Variants in GPC5 observed in about 807,000 individuals in gnomAD.
GPC5 encodes the protein glypican 5.
A neutral mutation model predicts 53.9 loss-of-function variants in GPC5; 47 were observed. That is an observed-to-expected ratio of 0.87 (90% CI 0.69 to 1.11). The LOEUF is 1.11. Among genes scored for constraint, GPC5 ranks in the 50% most tolerant of loss-of-function variants. The pLI is 0.00. For synonymous variants in GPC5, 286 were observed against 263.3 expected, an observed-to-expected ratio of 1.09 and a Z score of -0.84; for missense variants, 748 against 713.1, an observed-to-expected ratio of 1.05 and a Z score of -0.56.
intron 7 of GPC5, among the ~76,000 whole-genome samples, chr13:92,718,466 C>T (rs778454770): frequency 6.6e-6 from 1 of 152,048 alleles, no homozygotes; most frequent in Non-Finnish European, 1.5e-5. Flanking sequence ...ACAAACTTCA[C>T]GTTTTCACCC....
At chr13:92,180,168 G>T (rs1036170105) in intron 7 of GPC5, among the ~76,000 whole-genome samples, 3 of 152,164 alleles carry the variant, frequency 2.0e-5, no homozygotes, top group African/African-American at 4.8e-5. Context: ...CATGAAAACT[G>T]CAGGTTTGGT....
At chr13:92,781,025 G>A (rs1013299001) in intron 7 of GPC5, among the ~76,000 whole-genome samples, 3 of 152,010 alleles carry the variant, frequency 2.0e-5, no homozygotes, top group African/African-American at 7.2e-5. Context: ...ATACATGTAC[G>A]TGCACACGCA....
chr13:91,952,583 A>C (rs972307382), intron 6 of GPC5, among the ~76,000 whole-genome samples: 3 of 152,160 alleles, frequency 2.0e-5, no homozygotes, highest in South Asian at 4.1e-4. Flanking sequence ...TACCAAAAAG[A>C]ATCTCTGGGA....
intron 2 of GPC5, among the ~76,000 whole-genome samples, chr13:91,609,847 TCTC>T (rs2033493369): frequency 2.0e-5 from 3 of 152,164 alleles, no homozygotes; most frequent in Admixed American, 2.0e-4. Flanking sequence ...TCCAGATAGT[TCTC>T]CTTATCTCAG....
At chr13:91,532,273 A>T (rs1380978576) in intron 2 of GPC5, among the ~76,000 whole-genome samples, 2 of 152,198 alleles carry the variant, frequency 1.3e-5, no homozygotes, top group South Asian at 4.1e-4. Context: ...GGATAATCCA[A>T]ATGCAGGAAG....
chr13:92,271,594 C>A (rs912828858), intron 7 of GPC5, among the ~76,000 whole-genome samples: 1 of 152,080 alleles, frequency 6.6e-6, no homozygotes, highest in Admixed American at 6.6e-5. Context: ...AAGTTGTAAT[C>A]CTCTAAATAT....
At chr13:91,832,131 A>T (rs1397347517) in intron 5 of GPC5, among the ~76,000 whole-genome samples, 1 of 151,856 alleles carries the variant, frequency 6.6e-6, no homozygotes, top group African/African-American at 2.4e-5. Flanking sequence ...TGCTTTTTGA[A>T]TCTGGGTGCT....
chr13:92,081,985 A>G (rs969267817), intron 6 of GPC5, among the ~76,000 whole-genome samples: 4 of 152,192 alleles, frequency 2.6e-5, no homozygotes, highest in Non-Finnish European at 5.9e-5. Context: ...ATAGAAAATC[A>G]AGGCCCAGAT....
chr13:92,668,748 A>G (rs969416483), intron 7 of GPC5, among the ~76,000 whole-genome samples: 29 of 152,228 alleles, frequency 1.9e-4, no homozygotes, highest in Middle Eastern at 3.4e-3. Context: ...AACCTTATAT[A>G]GTTGTATTTT....
intron 7 of GPC5, among the ~76,000 whole-genome samples, chr13:92,363,580 T>A (rs2043585531): frequency 6.6e-6 from 1 of 151,762 alleles, no homozygotes; most frequent in African/African-American, 2.4e-5. Flanking sequence ...CAGTGGATAA[T>A]GCTTGCTTGT....
intron 6 of GPC5, among the ~76,000 whole-genome samples, chr13:92,132,379 TA>T (rs1191254032): frequency 6.6e-6 from 1 of 152,110 alleles, no homozygotes; most frequent in African/African-American, 2.4e-5. Flanking sequence ...CTGGGTTGCT[TA>T]AAACACCAAA....
At chr13:91,973,176 T>C (rs1171608429) in intron 6 of GPC5, among the ~76,000 whole-genome samples, 2 of 152,174 alleles carry the variant, frequency 1.3e-5, no homozygotes, top group Non-Finnish European at 2.9e-5. Flanking sequence ...CTTTTTATTC[T>C]TTTTTCTCTA....
At chr13:92,533,148 G>A (rs947286062) in intron 7 of GPC5, among the ~76,000 whole-genome samples, 1 of 151,930 alleles carries the variant, frequency 6.6e-6, no homozygotes, top group Admixed American at 6.6e-5. Context: ...GAATCCAATG[G>A]GAAAAACAAT....
chr13:92,262,356 C>G (rs1238475858), intron 7 of GPC5, among the ~76,000 whole-genome samples: 1 of 152,022 alleles, frequency 6.6e-6, no homozygotes, highest in Non-Finnish European at 1.5e-5. Flanking sequence ...ACAACATGGT[C>G]TATTTGAATA....
intron 6 of GPC5, among the ~76,000 whole-genome samples, chr13:92,029,583 G>A (rs1226466821): frequency 6.6e-6 from 1 of 152,162 alleles, no homozygotes; most frequent in African/African-American, 2.4e-5. Context: ...GCTTTTGATG[G>A]GTAAACTCTT....
At chr13:92,709,213 A>ATTT (rs879838843) in intron 7 of GPC5, among the ~76,000 whole-genome samples, 3 of 135,572 alleles carry the variant, frequency 2.2e-5, no homozygotes, top group African/African-American at 5.4e-5. Flanking sequence ...CGCCCAGCTA[A>ATTT]TTTTTTTTTT....
chr13:92,018,186 A>T (rs1015805504), intron 6 of GPC5, among the ~76,000 whole-genome samples: 2 of 152,132 alleles, frequency 1.3e-5, no homozygotes, highest in African/African-American at 4.8e-5. Context: ...TGCCTACCAA[A>T]GGTAGGCATT....
chr13:91,681,317 G>A (rs1246860396), intron 2 of GPC5, among the ~76,000 whole-genome samples: 5 of 152,168 alleles, frequency 3.3e-5, no homozygotes, highest in South Asian at 4.1e-4. Flanking sequence ...AAGAGAATGC[G>A]TCACCAGCTT....
intron 2 of GPC5, among the ~76,000 whole-genome samples, chr13:91,501,738 T>C (rs1884649547): frequency 6.6e-6 from 1 of 152,230 alleles, no homozygotes; most frequent in African/African-American, 2.4e-5. Context: ...CAGCATGATT[T>C]ATAATCCTTT....
Sources: allele counts gnomAD v4.1 joint callset (sites outside exome capture counted in the v4.1 genomes callset), GRCh38; gene constraint gnomAD v4.1.1; transcripts MANE v1.5; gene names NCBI Gene and HGNC (gene_info 2026-07-23, HGNC 2026-07-21).